The following ADGRL3 variants were observed in gnomAD, a reference collection of about 807,000 sequenced individuals.
ADGRL3 encodes adhesion G protein-coupled receptor L3, also known as calcium-independent alpha-latrotoxin receptor 3.
ADGRL3 carries 62 observed loss-of-function variants against 153.5 expected under a neutral mutation model. The observed-to-expected ratio is 0.40, with a 90% CI of 0.33 to 0.50. ADGRL3 has a LOEUF of 0.50. ADGRL3 is among the 20% of genes least tolerant of loss of function. The pLI, the probability that ADGRL3 is intolerant of heterozygous loss-of-function variation, is 0.47. For synonymous variants in ADGRL3, 710 were observed against 672.5 expected, an observed-to-expected ratio of 1.06 and a Z score of -0.86; for missense variants, 1,641 against 1,859.4, an observed-to-expected ratio of 0.88 and a Z score of 2.16.
chr4:61,314,928 T>G (rs2095152966), intron 1 of ADGRL3, among the ~76,000 whole-genome samples: 1 of 152,250 alleles, frequency 6.6e-6, no homozygotes, highest in African/African-American at 2.4e-5. Flanking sequence ...GAATCTATTA[T>G]CTGATTATCT....
chr4:61,536,872 T>C (rs1454371705), intron 4 of ADGRL3, among the ~76,000 whole-genome samples: 1 of 152,030 alleles, frequency 6.6e-6, no homozygotes, highest in African/African-American at 2.4e-5. Flanking sequence ...CACTTAGGCT[T>C]TTTATATTCA....
At chr4:61,854,244 A>G (rs979233446) in intron 9 of ADGRL3, among the ~76,000 whole-genome samples, 3 of 152,190 alleles carry the variant, frequency 2.0e-5, no homozygotes, top group African/African-American at 7.2e-5. Context: ...AACAGAAGAA[A>G]CCATCCAGCA....
chr4:61,820,033 T>G (rs559024183), intron 9 of ADGRL3, among the ~76,000 whole-genome samples: 3 of 152,264 alleles, frequency 2.0e-5, no homozygotes, highest in South Asian at 2.1e-4. Context: ...CTTTCATATT[T>G]TTAGGGAAAA....
At chr4:61,231,466 C>T (rs115518868) in intron 1 of ADGRL3, among the ~76,000 whole-genome samples, 2,009 of 152,106 alleles carry the variant, frequency 0.013, 48 homozygotes, top group African/African-American at 0.045. Flanking sequence ...CACAGCCAGC[C>T]TCCCAGTGTT....
At chr4:61,240,099 A>C (rs1156517315) in intron 1 of ADGRL3, among the ~76,000 whole-genome samples, 1 of 152,124 alleles carries the variant, frequency 6.6e-6, no homozygotes, top group African/African-American at 2.4e-5. Context: ...ACATCAAGGC[A>C]TGAGAAGATT....
intron 8 of ADGRL3, among the ~76,000 whole-genome samples, chr4:61,810,489 T>C (rs1217951411): frequency 6.6e-6 from 1 of 152,154 alleles, no homozygotes; most frequent in Non-Finnish European, 1.5e-5. Flanking sequence ...ACAGGGAAAG[T>C]ATTGACAGTA....
At chr4:61,857,766 T>C (rs1261968584) in intron 9 of ADGRL3, among the ~76,000 whole-genome samples, 1 of 151,362 alleles carries the variant, frequency 6.6e-6, no homozygotes, top group Non-Finnish European at 1.5e-5. Flanking sequence ...TCTTGCTGTG[T>C]CACCCAAGCT....
rs34121977 is a variant in ADGRL3, at chr4:61,817,149, ACC to A, written c.1480+3272_1480+3273del. 2.9e-3 allele frequency among the ~76,000 whole-genome samples: 299 copies of A among 104,612 alleles called. 3 individuals are homozygous for A. The highest frequency in any genetic ancestry group is 5.9e-3 in the East Asian group (21 of 3,562). 68.6% of individuals were successfully genotyped at this position (104,612 alleles called of 152,430 possible). Reference sequence around the variant, plus strand: ...AAGGTAGCTTGGCACAGGTCTGCAGACCCCCCCCCCCCCACCAAGGCATGAAA... The same window carrying A: ...AAGGTAGCTTGGCACAGGTCTGCAGACCCCCCCCCCCACCAAGGCATGAAA... On this transcript the variant is annotated intron_variant, in intron 9 of 26. Transcript: ENST00000683033.
intron 5 of ADGRL3, among the ~76,000 whole-genome samples, chr4:61,593,368 T>C (rs1579733600): frequency 6.6e-6 from 1 of 152,100 alleles, no homozygotes; most frequent in South Asian, 2.1e-4. Context: ...TGTTGTTTGT[T>C]TGTTTCTTCT....
intron 1 of ADGRL3, among the ~76,000 whole-genome samples, chr4:61,337,394 C>T (rs1199820385): frequency 6.6e-6 from 1 of 152,160 alleles, no homozygotes; most frequent in Non-Finnish European, 1.5e-5. Flanking sequence ...CCACCCATTA[C>T]TTTGCAGTTA....
At chr4:61,527,324 C>G (rs773534753) in intron 4 of ADGRL3, among the ~76,000 whole-genome samples, 20 of 152,028 alleles carry the variant, frequency 1.3e-4, no homozygotes, top group Middle Eastern at 3.5e-3. Flanking sequence ...TTTGAATGGT[C>G]TGTGAAGGTA....
intron 2 of ADGRL3, among the ~76,000 whole-genome samples, chr4:61,404,619 C>G (rs960879542): frequency 2.0e-5 from 3 of 152,018 alleles, no homozygotes; most frequent in Non-Finnish European, 4.4e-5. Flanking sequence ...AGTGAGAACA[C>G]TCTTTAAATA....
At chr4:61,725,473 T>TA (rs1423634664) in intron 6 of ADGRL3, among the ~76,000 whole-genome samples, 1 of 151,876 alleles carries the variant, frequency 6.6e-6, no homozygotes, top group Non-Finnish European at 1.5e-5. Flanking sequence ...CAGGTGCCTG[T>TA]AGTCCCAGCT....
chr4:61,361,980 A>C (rs2096289377), intron 1 of ADGRL3, among the ~76,000 whole-genome samples: 1 of 148,930 alleles, frequency 6.7e-6, no homozygotes. Context: ...AATCATATAT[A>C]TAAAAATATA....
At chr4:61,540,834 C>T (rs996500892) in intron 4 of ADGRL3, among the ~76,000 whole-genome samples, 5 of 151,898 alleles carry the variant, frequency 3.3e-5, no homozygotes, top group African/African-American at 1.2e-4. Context: ...TTTTTACTAC[C>T]TGATTAGGAA....
intron 5 of ADGRL3, among the ~76,000 whole-genome samples, chr4:61,641,993 A>G (rs1281299599): frequency 6.6e-6 from 1 of 150,606 alleles, no homozygotes; most frequent in Non-Finnish European, 1.5e-5. Flanking sequence ...CTGGTGTGAG[A>G]TGGTATCTCA....
chr4:61,559,035 G>C (rs943693986), intron 4 of ADGRL3, among the ~76,000 whole-genome samples: 2 of 152,014 alleles, frequency 1.3e-5, no homozygotes, highest in Non-Finnish European at 2.9e-5. Flanking sequence ...GGATTAATGA[G>C]AATAATGCTT....
intron 1 of ADGRL3, among the ~76,000 whole-genome samples, chr4:61,371,290 T>C (rs1160842572): frequency 6.6e-6 from 1 of 151,236 alleles, no homozygotes; most frequent in Non-Finnish European, 1.5e-5. Flanking sequence ...TAGCTGGTTA[T>C]TTTGCTCGTT....
chr4:61,768,206 G>T (rs890988724), intron 8 of ADGRL3, among the ~76,000 whole-genome samples: 5 of 152,052 alleles, frequency 3.3e-5, no homozygotes, highest in Non-Finnish European at 7.4e-5. Flanking sequence ...TAAATTGCTG[G>T]GCAGGTCGGG....
Sources: gnomAD v4.1 joint callset for allele counts (sites outside exome capture counted in the v4.1 genomes callset) on GRCh38, gnomAD v4.1.1 for gene constraint, MANE v1.5 for transcripts, NCBI Gene and HGNC (gene_info 2026-07-23, HGNC 2026-07-21) for gene names.